Variants in ADRA1A observed in about 807,000 individuals in gnomAD.
ADRA1A encodes the protein alpha-1A adrenergic receptor.
Under a neutral mutation model 29.6 loss-of-function variants are expected in ADRA1A, and 31 were observed. That is an observed-to-expected ratio of 1.05 (90% confidence interval 0.79 to 1.41). ADRA1A has a LOEUF of 1.41. Among genes scored for constraint, ADRA1A ranks in the 40% most tolerant of loss-of-function variants. ADRA1A has a pLI of 0.00. For synonymous variants in ADRA1A, 311 were observed against 254.3 expected, an observed-to-expected ratio of 1.22 and a Z score of -2.12; for missense variants, 619 against 601.1, an observed-to-expected ratio of 1.03 and a Z score of -0.31.
At chr8:26,818,539 A>G (rs967189223) in intron 2 of ADRA1A, among the ~76,000 whole-genome samples, 3 of 152,168 alleles carry the variant, frequency 2.0e-5, no homozygotes, top group Non-Finnish European at 4.4e-5. Context: ...TAACTATCTC[A>G]AAGTATAATA....
downstream of ADRA1A, among the ~76,000 whole-genome samples, chr8:26,762,657 C>G (rs1254188644): frequency 6.6e-6 from 1 of 152,018 alleles, no homozygotes; most frequent in Non-Finnish European, 1.5e-5. The surrounding 1 kb of genome is among the most constrained non-coding windows in gnomAD (Gnocchi z 4.0). Context: ...AAACAGGGGA[C>G]GAAGAAGGGA....
chr8:26,790,392 A>G (rs185590368), intron 2 of ADRA1A, among the ~76,000 whole-genome samples: 1 of 152,224 alleles, frequency 6.6e-6, no homozygotes, highest in East Asian at 1.9e-4. Flanking sequence ...ACTCATATGC[A>G]GAAGCTAAAA....
chr8:26,828,757 T>TGTG (rs1424406329), intron 2 of ADRA1A, among the ~76,000 whole-genome samples: 1 of 152,186 alleles, frequency 6.6e-6, no homozygotes, highest in African/African-American at 2.4e-5. Flanking sequence ...TTCAAGCCTT[T>TGTG]GTGGTCAGTG....
At chr8:26,832,667 G>C (rs531568830) in intron 2 of ADRA1A, among the ~76,000 whole-genome samples, 6 of 152,148 alleles carry the variant, frequency 3.9e-5, no homozygotes, top group Non-Finnish European at 8.8e-5. Context: ...CAAGCAGATT[G>C]TCTAGGGCAG....
intron 2 of ADRA1A, among the ~76,000 whole-genome samples, chr8:26,861,756 A>G (rs2130789496): frequency 6.6e-6 from 1 of 152,290 alleles, no homozygotes; most frequent in Admixed American, 6.5e-5. Flanking sequence ...TTACTCAGCT[A>G]TTCAGGCCCT....
downstream of ADRA1A, among the ~76,000 whole-genome samples, chr8:26,751,803 G>T (rs1804934995): frequency 6.6e-6 from 1 of 152,220 alleles, no homozygotes; most frequent in Admixed American, 6.5e-5. Flanking sequence ...TTCTTTACAT[G>T]TATCGGTCCA....
chr8:26,863,347 A>C (rs1813621451), intron 2 of ADRA1A, among the ~76,000 whole-genome samples: 7 of 152,316 alleles, frequency 4.6e-5, no homozygotes, highest in Admixed American at 3.9e-4. Context: ...CATTATGTGT[A>C]CTGTATTATT....
rs1439422877 is a variant in ADRA1A, at chr8:26,864,490, T to C, written c.480A>G (p.Gly160=). Residue 160 remains glycine, a synonymous_variant, in exon 2 of 3, where the codon GGA becomes GGG. Transcript: ENST00000380573. The surrounding 1 kb of genome is among the most constrained non-coding windows in gnomAD (Gnocchi z 8.1). ...VWALSLVISI[G]PLFGWRQPAP... is the part of the protein sequence containing the mutation. ...CCGGCTGCCTCCAGCCGAACAGGGG[T>C]CCAATGGATATGACCAGGGAGAGTG... 6.8e-6 allele frequency: 11 copies of C among 1,613,342 alleles called. No homozygotes were observed. In the African/African-American group the frequency reaches 1.1e-4, roughly 16 times the overall value.
At chr8:26,765,781 C>G, downstream of ADRA1A, 1 of 1,209,342 alleles carries the variant, frequency 8.3e-7, no homozygotes, top group Non-Finnish European at 1.0e-6. Context: ...CTTTTTTGGC[C>G]AAAGGACCTG....
At chr8:26,833,629 C>A (rs990860466) in intron 2 of ADRA1A, among the ~76,000 whole-genome samples, 2 of 152,220 alleles carry the variant, frequency 1.3e-5, no homozygotes, top group Non-Finnish European at 2.9e-5. Context: ...AGTAGACATA[C>A]AATCAGTCCC....
chr8:26,866,811 G>A lies in ADRA1A; in HGVS notation c.-687+125C>T. ...GAATCGGGGGTGGGGTAGAGGGGCC[G>A]GTATAAAACCTGGTGGAAAAAGCGG... On this transcript the variant is annotated intron_variant, in intron 1 of 2. Coordinates refer to ENST00000380573, the MANE Select transcript of ADRA1A (RefSeq NM_000680.4). The surrounding 1 kb of genome is among the most constrained non-coding windows in gnomAD (Gnocchi z 5.7). 2 of 940,382 alleles carry A rather than the reference G, an allele frequency of 2.1e-6. No homozygotes were observed. The highest frequency in any genetic ancestry group is 2.5e-6 in the Non-Finnish European group (2 of 788,376). The allele number at this position is 940,382 out of a possible 1,614,324, so 58.3% of individuals were successfully genotyped here.
At chr8:26,842,113 C>T (rs916257324) in intron 2 of ADRA1A, among the ~76,000 whole-genome samples, 11 of 152,194 alleles carry the variant, frequency 7.2e-5, no homozygotes, top group African/African-American at 2.2e-4. Flanking sequence ...TAGGTCAACC[C>T]TGTCCAACAG....
intron 2 of ADRA1A, among the ~76,000 whole-genome samples, chr8:26,807,118 G>A (rs1298731731): frequency 6.6e-6 from 1 of 152,204 alleles, no homozygotes; most frequent in East Asian, 1.9e-4. Flanking sequence ...TTCACAGCAA[G>A]TAACTATTAC....
At chr8:26,809,707 G>A (rs1809250194) in intron 2 of ADRA1A, among the ~76,000 whole-genome samples, 1 of 152,202 alleles carries the variant, frequency 6.6e-6, no homozygotes, top group Non-Finnish European at 1.5e-5. Context: ...ACTGAGCAAT[G>A]TGCTACAAAT....
chr8:26,761,550 A>G (rs1805503740), downstream of ADRA1A, among the ~76,000 whole-genome samples: 1 of 152,252 alleles, frequency 6.6e-6, no homozygotes, highest in African/African-American at 2.4e-5. Flanking sequence ...CAGAGGAAAG[A>G]CCAAGTGAAG....
downstream of ADRA1A, among the ~76,000 whole-genome samples, chr8:26,767,579 T>G (rs767453676): frequency 6.6e-6 from 1 of 152,190 alleles, no homozygotes; most frequent in Admixed American, 6.5e-5. Flanking sequence ...TTTACATGGA[T>G]ACAATTGTCA....
chr8:26,838,781 C>T (rs747089507), intron 2 of ADRA1A, among the ~76,000 whole-genome samples: 1 of 152,198 alleles, frequency 6.6e-6, no homozygotes, highest in Non-Finnish European at 1.5e-5. Context: ...TATTCTGTAG[C>T]TTTGGCCTTA....
At chr8:26,784,510 T>C (rs1305896411) in intron 2 of ADRA1A, among the ~76,000 whole-genome samples, 1 of 152,214 alleles carries the variant, frequency 6.6e-6, no homozygotes, top group Non-Finnish European at 1.5e-5. Flanking sequence ...TACTCAACTG[T>C]AGTTATCAAT....
intron 2 of ADRA1A, chr8:26,859,289 AC>A (rs1171660249): frequency 1.5e-5 from 14 of 928,102 alleles, no homozygotes; most frequent in African/African-American, 1.0e-4. Context: ...TAATAAAAAA[AC>A]ATATAACATC....
Sources: gnomAD v4.1 joint callset for allele counts (sites outside exome capture counted in the v4.1 genomes callset) on GRCh38, gnomAD v4.1.1 for gene constraint, Gnocchi (gnomAD v3.1) non-coding constraint, MANE v1.5 for transcripts, NCBI Gene and HGNC (gene_info 2026-07-23, HGNC 2026-07-21) for gene names.